The following JADE3 variants were observed in gnomAD, a reference collection of about 807,000 sequenced individuals.
JADE3 encodes the protein protein Jade-3.
JADE3 carries 2 observed loss-of-function variants against 50.1 expected under a neutral mutation model. That is an observed-to-expected ratio of 0.04 (90% CI 0.02 to 0.13). The LOEUF (loss-of-function observed/expected upper bound fraction) is 0.13. Ranked by LOEUF, JADE3 falls within the 10% of genes least tolerant of loss-of-function variation. The pLI, the probability that JADE3 is intolerant of heterozygous loss-of-function variation, is 1.00. For missense variants in JADE3, 475 were observed against 634.4 expected (o/e 0.75, Z 2.70); for synonymous variants, 218 against 232.9 (o/e 0.94, Z 0.58).
In JADE3 at chrX:47,045,062, G is replaced by A. The variant is rs892680731; in HGVS notation, c.972+5997G>A. On this transcript the variant is annotated intron_variant, in intron 8 of 10. Transcript: ENST00000614628. ...AAGACAACCAGAAAACAAATAAAAT[G>A]GCAGGAATAAGTCCTTACTTATCAA... Among the ~76,000 whole-genome samples, 4 of 111,251 alleles carry A rather than the reference G, an allele frequency of 3.6e-5. No homozygotes were observed. The Admixed American group carries it at 3.8e-4, about 11-fold the overall frequency.
chrX:46,915,603 A>T (rs1333863916), intron 1 of JADE3, among the ~76,000 whole-genome samples: 1 of 111,622 alleles, frequency 9.0e-6, no homozygotes, highest in Non-Finnish European at 1.9e-5. Context: ...TGGTCATTAC[A>T]AACCAAATAA....
At chrX:46,974,913 GTC>G (rs1208719312) in intron 1 of JADE3, among the ~76,000 whole-genome samples, 1 of 112,471 alleles carries the variant, frequency 8.9e-6, no homozygotes, top group Non-Finnish European at 1.9e-5. Context: ...AGCCAGATAA[GTC>G]TGCACATTGT....
intron 1 of JADE3, among the ~76,000 whole-genome samples, chrX:46,959,072 A>C (rs1313072347): frequency 3.6e-5 from 4 of 112,187 alleles, no homozygotes; most frequent in Admixed American, 2.8e-4. Context: ...ATTTTTCTAT[A>C]AGGATTCTTA....
chrX:46,915,852 A>G (rs1293948009), intron 1 of JADE3, among the ~76,000 whole-genome samples: 1 of 111,518 alleles, frequency 9.0e-6, no homozygotes, highest in Non-Finnish European at 1.9e-5. Flanking sequence ...CCGACTGAAT[A>G]AAGGACCTGG....
intron 4 of JADE3, among the ~76,000 whole-genome samples, chrX:47,004,782 G>GT (rs1928372522): frequency 8.9e-6 from 1 of 112,373 alleles, no homozygotes; most frequent in Non-Finnish European, 1.9e-5. Context: ...ACTATTTCAT[G>GT]TTGAGTGACT....
At chrX:47,032,638 A>G (rs1929046775) in intron 6 of JADE3, among the ~76,000 whole-genome samples, 1 of 111,530 alleles carries the variant, frequency 9.0e-6, no homozygotes, top group Admixed American at 9.6e-5. Flanking sequence ...TCTTGGGGCC[A>G]CTGTAGGGAG....
At chrX:46,989,404 G>T (rs186867959) in intron 3 of JADE3, among the ~76,000 whole-genome samples, 3 of 111,450 alleles carry the variant, frequency 2.7e-5, no homozygotes, top group Admixed American at 1.9e-4. Flanking sequence ...TGATAAATTC[G>T]CTTAGTTTTC....
chrX:46,958,853 G>A (rs926249540), intron 1 of JADE3, among the ~76,000 whole-genome samples: 3 of 111,883 alleles, frequency 2.7e-5, no homozygotes, highest in African/African-American at 9.8e-5. Context: ...CACAAATAAA[G>A]TAGTTTTTAG....
At chrX:47,053,086 C>G (rs184279162) in intron 8 of JADE3, among the ~76,000 whole-genome samples, 2 of 109,585 alleles carry the variant, frequency 1.8e-5, no homozygotes, top group African/African-American at 6.6e-5. Context: ...GAAATAGCCA[C>G]TCATGGCTAC....
At chrX:46,935,409 C>T (rs184871472) in intron 1 of JADE3, among the ~76,000 whole-genome samples, 3 of 111,453 alleles carry the variant, frequency 2.7e-5, no homozygotes, top group Non-Finnish European at 3.8e-5. Flanking sequence ...CTGCTTGTCT[C>T]TCTCTACAAA....
At chrX:47,022,439 G>A (rs1928816418) in intron 4 of JADE3, among the ~76,000 whole-genome samples, 1 of 112,013 alleles carries the variant, frequency 8.9e-6, no homozygotes, top group Non-Finnish European at 1.9e-5. Context: ...GTTGTTATTA[G>A]CTTTATTCAG....
At chrX:46,963,802 A>G (rs782695791) in intron 1 of JADE3, among the ~76,000 whole-genome samples, 4 of 111,796 alleles carry the variant, frequency 3.6e-5, no homozygotes, top group Admixed American at 9.4e-5. Flanking sequence ...AGGCCTCTTG[A>G]GGCCTAGGCT....
chrX:46,947,085 T>C (rs1262929557), intron 1 of JADE3, among the ~76,000 whole-genome samples: 4 of 111,807 alleles, frequency 3.6e-5, no homozygotes, highest in Admixed American at 9.5e-5. Flanking sequence ...AGTGGCACAA[T>C]CTCAGCTCAC....
chrX:46,989,208 A>C (rs1242042468), intron 3 of JADE3, among the ~76,000 whole-genome samples: 1 of 111,325 alleles, frequency 9.0e-6, no homozygotes, highest in Non-Finnish European at 1.9e-5. Context: ...CTTTTCTCTC[A>C]ATTTCTGATT....
chrX:46,914,737 A>G (rs192938800), intron 1 of JADE3, among the ~76,000 whole-genome samples: 1 of 112,241 alleles, frequency 8.9e-6, no homozygotes, highest in African/African-American at 3.2e-5. Flanking sequence ...CTGGCTCTAG[A>G]ATTCACACTT....
intron 1 of JADE3, among the ~76,000 whole-genome samples, chrX:46,932,536 T>C (rs1442583471): frequency 8.9e-6 from 1 of 112,470 alleles, no homozygotes; most frequent in African/African-American, 3.2e-5. Flanking sequence ...GTCTTTGACA[T>C]GTGTTCAGTC....
At position 47,024,782 on chromosome X, in the gene JADE3, T is replaced by G; in HGVS notation, c.343T>G (p.Cys115Gly). The stretch of plus-strand genomic sequence containing the variant: ...TATCCGACCCCGGAAGTATATTCAC[T>G]GCTCCAGCCCAGACACCACAGAGCC... ...LFIRPRKYIH[C>G]SSPDTTEPGY... Residue 115 changes from cysteine to glycine, a missense_variant, in exon 5 of 11, where the codon TGC becomes GGC. Coordinates refer to ENST00000614628, the MANE Select transcript of JADE3 (RefSeq NM_014735.5). The G allele has an allele frequency of 8.3e-7, 1 of 1,199,821 alleles. No homozygotes were observed. The highest frequency in any genetic ancestry group is 1.1e-6 in the Non-Finnish European group (1 of 885,270).
At chrX:47,056,326 T>G in intron 10 of JADE3, 127 bp downstream of exon 10, 1 of 429,802 alleles carries the variant, frequency 2.3e-6, no homozygotes, top group Non-Finnish European at 4.1e-6. Context: ...GATATCTCAT[T>G]TGCTTCAGTC....
chrX:47,037,464 C>G (rs1356294951), intron 7 of JADE3, among the ~76,000 whole-genome samples: 2 of 111,617 alleles, frequency 1.8e-5, no homozygotes, highest in Non-Finnish European at 3.8e-5. Context: ...CAGTAGCTTT[C>G]TTTGGTTCCT....
Sources: gnomAD v4.1 joint callset for allele counts (sites outside exome capture counted in the v4.1 genomes callset) on GRCh38, gnomAD v4.1.1 for gene constraint, MANE v1.5 for transcripts, NCBI Gene and HGNC (gene_info 2026-07-23, HGNC 2026-07-21) for gene names.